The following DSCAM variants were observed in gnomAD, a reference collection of about 807,000 sequenced individuals.
DSCAM encodes cell adhesion molecule DSCAM.
A neutral mutation model predicts 217.7 loss-of-function variants in DSCAM; 47 were observed. That is an observed-to-expected ratio of 0.22 (90% CI 0.17 to 0.28). The LOEUF (loss-of-function observed/expected upper bound fraction) is 0.28, where lower values mean the gene tolerates loss of function less well. DSCAM is among the 10% of genes least tolerant of loss of function. DSCAM has a pLI of 1.00. For missense variants in DSCAM, 2,080 were observed against 2,618.3 expected (o/e 0.79, Z 4.49); for synonymous variants, 1,056 against 1,015.3 (o/e 1.04, Z -0.76).
chr21:40,242,647 G>T (rs116499794), intron 11 of DSCAM, among the ~76,000 whole-genome samples: 1 of 152,188 alleles, frequency 6.6e-6, no homozygotes, highest in Non-Finnish European at 1.5e-5. Context: ...TGGAAGCCTT[G>T]TTATGATGGC....
At chr21:40,192,829 C>T (rs2090966287) in intron 11 of DSCAM, among the ~76,000 whole-genome samples, 1 of 152,152 alleles carries the variant, frequency 6.6e-6, no homozygotes, top group Non-Finnish European at 1.5e-5. Context: ...CCCACTGATG[C>T]ACACTGGGGT....
At chr21:40,057,669 G>A (rs370853192) in intron 28 of DSCAM, among the ~76,000 whole-genome samples, 2 of 152,148 alleles carry the variant, frequency 1.3e-5, no homozygotes, top group East Asian at 1.9e-4. Flanking sequence ...GAACCACTGC[G>A]ACTGGCTGGC....
intron 9 of DSCAM, among the ~76,000 whole-genome samples, chr21:40,302,189 T>C (rs1015566733): frequency 2.4e-4 from 37 of 152,170 alleles, no homozygotes; most frequent in Non-Finnish European, 2.1e-4. Context: ...GATCATGATA[T>C]GGTTTGGTAG....
At chr21:40,363,930 C>T (rs1194180385) in intron 4 of DSCAM, among the ~76,000 whole-genome samples, 5 of 152,086 alleles carry the variant, frequency 3.3e-5, no homozygotes, top group Non-Finnish European at 7.4e-5. Flanking sequence ...TGAAAAAATG[C>T]TCATCATCAC....
At chr21:40,331,562 G>A (rs1374509636) in intron 8 of DSCAM, among the ~76,000 whole-genome samples, 1 of 152,184 alleles carries the variant, frequency 6.6e-6, no homozygotes, top group African/African-American at 2.4e-5. Flanking sequence ...ACGTCAAAAT[G>A]TGCAGAACAG....
At chr21:40,672,560 T>C (rs1458877622) in intron 3 of DSCAM, among the ~76,000 whole-genome samples, 5 of 151,958 alleles carry the variant, frequency 3.3e-5, no homozygotes, top group Non-Finnish European at 7.4e-5. Context: ...GAGGCCAGAG[T>C]AGTATATTCA....
At chr21:40,632,712 C>T (rs976254131) in intron 3 of DSCAM, among the ~76,000 whole-genome samples, 7 of 152,198 alleles carry the variant, frequency 4.6e-5, no homozygotes, top group African/African-American at 1.2e-4. Context: ...ATCCCTAGGC[C>T]GGTGGCTTTC....
intron 3 of DSCAM, among the ~76,000 whole-genome samples, chr21:40,449,119 T>C (rs2075699018): frequency 6.6e-6 from 1 of 152,204 alleles, no homozygotes; most frequent in Non-Finnish European, 1.5e-5. Flanking sequence ...TCTTCTGTAG[T>C]CACGCCTCCC....
Position 40,259,990 on chromosome 21 carries a change from G to C in DSCAM, c.2356+16107C>G, listed in dbSNP as rs2073428461. On this transcript the variant is annotated intron_variant, in intron 11 of 32. Coordinates refer to ENST00000400454, the MANE Select transcript of DSCAM (RefSeq NM_001389.5). Reference sequence around the variant, plus strand: ...GATCCGCCCGCCTCGGCCTCCCAAAGTGCTGGGATTACAGGCGTGAGCCAC... The same window carrying C: ...GATCCGCCCGCCTCGGCCTCCCAAACTGCTGGGATTACAGGCGTGAGCCAC... Among the ~76,000 whole-genome samples, 3 of 152,008 alleles carry C rather than the reference G, an allele frequency of 2.0e-5. No individual in the cohort carries two copies. In the South Asian group the frequency reaches 6.2e-4, roughly 32 times the overall value.
At chr21:40,128,530 G>A (rs1320322416) in intron 19 of DSCAM, among the ~76,000 whole-genome samples, 3 of 151,894 alleles carry the variant, frequency 2.0e-5, no homozygotes, top group East Asian at 1.9e-4. Context: ...AATCAGATGC[G>A]CCCCTTAGAA....
chr21:40,579,284 C>T (rs1016477527), intron 3 of DSCAM, among the ~76,000 whole-genome samples: 3 of 145,380 alleles, frequency 2.1e-5, no homozygotes, highest in African/African-American at 7.5e-5. Flanking sequence ...CAAAAAAAAA[C>T]CTCAATAAAA....
intron 3 of DSCAM, among the ~76,000 whole-genome samples, chr21:40,657,702 T>C (rs1188916503): frequency 6.6e-6 from 1 of 152,174 alleles, no homozygotes; most frequent in African/African-American, 2.4e-5. Flanking sequence ...GGAGTACCCA[T>C]GCTGAAATGA....
intron 3 of DSCAM, among the ~76,000 whole-genome samples, chr21:40,654,100 G>GA (rs1568965163): frequency 2.1e-5 from 2 of 97,218 alleles, no homozygotes; most frequent in East Asian, 2.8e-4. Flanking sequence ...ATCTCAAAAA[G>GA]AAAAAGAAAA....
At chr21:40,217,861 T>G (rs2091257349) in intron 11 of DSCAM, among the ~76,000 whole-genome samples, 1 of 152,072 alleles carries the variant, frequency 6.6e-6, no homozygotes, top group Non-Finnish European at 1.5e-5. Context: ...AATGGGGTGG[T>G]TTGTTTTTTT....
chr21:40,663,917 T>C (rs1440489238), intron 3 of DSCAM, among the ~76,000 whole-genome samples: 1 of 152,176 alleles, frequency 6.6e-6, no homozygotes, highest in Admixed American at 6.5e-5. Context: ...TTCTGAATAA[T>C]GCAAATTACT....
chr21:40,484,171 G>C (rs577056697), intron 3 of DSCAM, among the ~76,000 whole-genome samples: 1 of 152,290 alleles, frequency 6.6e-6, no homozygotes, highest in East Asian at 1.9e-4. Context: ...CGATTTATGG[G>C]TCTGTCCAGA....
intron 2 of DSCAM, 28 bp downstream of exon 2, chr21:40,708,426 A>G (rs768387990): frequency 7.2e-7 from 1 of 1,386,366 alleles, no homozygotes; most frequent in Non-Finnish European, 9.4e-7. Context: ...GCAGGCACAG[A>G]AAAAACAAAG....
chr21:40,637,624 C>CTAT lies in DSCAM; in HGVS notation c.508+55185_508+55186insATA, dbSNP rs1265414818. Among the ~76,000 whole-genome samples, 329 of 33,246 alleles carry CTAT rather than the reference C, an allele frequency of 9.9e-3. 4 individuals carry two copies. Among genetic ancestry groups the CTAT allele is most frequent in the African/African-American group, 0.017 (157 of 9,136 alleles). 21.8% of individuals were successfully genotyped at this position (33,246 alleles called of 152,430 possible). ...ATATATAAATATATATAAATATATA[C>CTAT]ATATATAAATATATATAAATATATA... On this transcript the variant is annotated intron_variant, in intron 3 of 32. Coordinates refer to ENST00000400454, the MANE Select transcript of DSCAM (RefSeq NM_001389.5).
chr21:40,308,722 T>C (rs1467461704), intron 9 of DSCAM, among the ~76,000 whole-genome samples: 1 of 152,230 alleles, frequency 6.6e-6, no homozygotes, highest in Non-Finnish European at 1.5e-5. Context: ...CACTTTGTTT[T>C]GTTCCTGAAA....
Sources: allele counts gnomAD v4.1 joint callset (sites outside exome capture counted in the v4.1 genomes callset), GRCh38; gene constraint gnomAD v4.1.1; transcripts MANE v1.5; gene names NCBI Gene and HGNC (gene_info 2026-07-23, HGNC 2026-07-21).